NF1: variants seen among roughly 807,000 people sequenced by gnomAD.
The protein encoded by NF1 is neurofibromin.
In NF1, 122 loss-of-function variants were observed where a neutral mutation model predicts 325.7. That is an observed-to-expected ratio of 0.37 (90% CI 0.32 to 0.44). The LOEUF (loss-of-function observed/expected upper bound fraction) is 0.44, where lower values mean the gene tolerates loss of function less well. NF1 is among the 20% of genes least tolerant of loss of function. The probability of loss-of-function intolerance (pLI) is 1.00; values close to 1 mark genes in which losing one functional copy is unlikely to be tolerated. For missense variants in NF1, 2,140 were observed against 3,415.4 expected, an observed-to-expected ratio of 0.63 and a Z score of 9.31; for synonymous variants, 1,091 against 1,186.0, an observed-to-expected ratio of 0.92 and a Z score of 1.65.
chr17:31,239,816 G>T (rs963819432), intron 29 of NF1, among the ~76,000 whole-genome samples: 2 of 152,116 alleles, frequency 1.3e-5, no homozygotes, highest in Non-Finnish European at 2.9e-5. Flanking sequence ...AGGCTGGAAT[G>T]CAGTGGTGCT....
intron 36 of NF1, among the ~76,000 whole-genome samples, chr17:31,308,681 G>T (rs1187459187): frequency 6.6e-6 from 1 of 151,474 alleles, no homozygotes; most frequent in Non-Finnish European, 1.5e-5. Flanking sequence ...CCCCTTTCTG[G>T]CTGCATATCT....
chr17:31,245,755 G>A (rs117561248), intron 29 of NF1, among the ~76,000 whole-genome samples: 1 of 152,304 alleles, frequency 6.6e-6, no homozygotes, highest in East Asian at 1.9e-4. Flanking sequence ...CAACCTGGAA[G>A]CTCTTCAAAC....
At chr17:31,315,556 A>T (rs1200473184) in intron 36 of NF1, among the ~76,000 whole-genome samples, 1 of 152,222 alleles carries the variant, frequency 6.6e-6, no homozygotes, top group Non-Finnish European at 1.5e-5. Context: ...AAAATTTAAA[A>T]TACAAAAAAT....
intron 1 of NF1, chr17:31,138,599 T>A (rs994220677): frequency 6.6e-6 from 1 of 151,224 alleles, no homozygotes; most frequent in African/African-American, 2.4e-5. Context: ...TTCTTTAGTT[T>A]TTTTTTTTTT....
At chr17:31,187,262 G>A (rs566909854) in intron 8 of NF1, among the ~76,000 whole-genome samples, 42 of 152,212 alleles carry the variant, frequency 2.8e-4, no homozygotes, top group Non-Finnish European at 2.1e-4. Flanking sequence ...GCAGTGGCGC[G>A]ATCTCGGCTC....
intron 36 of NF1, among the ~76,000 whole-genome samples, chr17:31,269,230 G>T (rs928713676): frequency 3.9e-5 from 6 of 152,032 alleles, no homozygotes; most frequent in Admixed American, 3.9e-4. Context: ...CTGTCCCATT[G>T]ACTCCCTGTA....
At chr17:31,182,911 T>G in intron 8 of NF1, 1 of 602,378 alleles carries the variant, frequency 1.7e-6, no homozygotes, top group East Asian at 2.7e-5. Flanking sequence ...TTCATTCTTT[T>G]GTCTGAGAAG....
intron 1 of NF1, among the ~76,000 whole-genome samples, chr17:31,108,734 T>TTC (rs1659904186): frequency 6.6e-6 from 1 of 152,210 alleles, no homozygotes; most frequent in African/African-American, 2.4e-5. Flanking sequence ...ATACTGACTT[T>TTC]AAGAGCTGTG....
intron 29 of NF1, among the ~76,000 whole-genome samples, chr17:31,242,342 G>T (rs1184087081): frequency 7.7e-5 from 9 of 116,874 alleles, no homozygotes; most frequent in African/African-American, 2.7e-4. Flanking sequence ...TGAGATGGAG[G>T]TTCACTCTTG....
At chr17:31,271,476 G>T (rs1482863530) in intron 36 of NF1, among the ~76,000 whole-genome samples, 4 of 152,184 alleles carry the variant, frequency 2.6e-5, no homozygotes, top group Non-Finnish European at 5.9e-5. Flanking sequence ...TATAGACCGG[G>T]CATGGTGGCT....
intron 12 of NF1, among the ~76,000 whole-genome samples, chr17:31,208,532 C>G (rs1027247721): frequency 6.6e-6 from 1 of 152,054 alleles, no homozygotes; most frequent in African/African-American, 2.4e-5. Flanking sequence ...ACTAAACATA[C>G]ACAGCACTTC....
intron 12 of NF1, among the ~76,000 whole-genome samples, chr17:31,212,922 GT>G (rs2066754406): frequency 6.6e-6 from 1 of 152,038 alleles, no homozygotes; most frequent in South Asian, 2.1e-4. Context: ...TTTCAGCTAT[GT>G]TACATATTGT....
intron 2 of NF1, among the ~76,000 whole-genome samples, chr17:31,156,711 C>T (rs2065669707): frequency 6.6e-6 from 1 of 152,106 alleles, no homozygotes; most frequent in African/African-American, 2.4e-5. Flanking sequence ...CTGTTAAAAG[C>T]TCATAATTTC....
chr17:31,329,189 A>G (rs2069420500), intron 38 of NF1, among the ~76,000 whole-genome samples: 1 of 152,214 alleles, frequency 6.6e-6, no homozygotes, highest in African/African-American at 2.4e-5. Context: ...TTTAAAAAAG[A>G]AAAAAGATAT....
chr17:31,327,738 C>T lies in NF1; in HGVS notation c.5508C>T (p.Pro1836=), dbSNP rs786202557. Residue 1836 remains proline, a synonymous_variant, in exon 38 of 58, where the codon CCC becomes CCT. Transcript: ENST00000358273. ...HIRTRWELSQ[P]DSIPQHTKIR... is the part of the protein sequence containing the mutation. ...GGACCCGCTGGGAACTGTCACAGCC[C>T]GACTCTATCCCCCAACACACCAAGA... 3.7e-6 allele frequency: 6 copies of T among 1,613,882 alleles called. No individual in the cohort carries two copies. In the African/African-American group the frequency reaches 4.0e-5, roughly 11 times the overall value.
intron 36 of NF1, chr17:31,272,681 G>A (rs2067924217): frequency 6.6e-6 from 1 of 152,158 alleles, no homozygotes; most frequent in Non-Finnish European, 1.5e-5. Flanking sequence ...TAGAATTTGA[G>A]GTTGTTGATG....
intron 36 of NF1, among the ~76,000 whole-genome samples, chr17:31,310,434 G>T (rs970789499): frequency 3.9e-5 from 6 of 151,950 alleles, no homozygotes; most frequent in African/African-American, 7.2e-5. Flanking sequence ...AGTTGGGGGT[G>T]GGGGGAGATG....
chr17:31,278,789 ATTT>A (rs1398678520), intron 36 of NF1, among the ~76,000 whole-genome samples: 1 of 151,244 alleles, frequency 6.6e-6, no homozygotes, highest in Non-Finnish European at 1.5e-5. Context: ...TAATTTTCGT[ATTT>A]TTAGTAGAGA....
chr17:31,223,310 C>G, intron 15 of NF1, 134 bp from the exon 16 acceptor site: 1 of 1,044,554 alleles, frequency 9.6e-7, no homozygotes, highest in Non-Finnish European at 1.5e-6. Flanking sequence ...ATAACTGTTT[C>G]TCTAAAACCT....
Sources: gnomAD v4.1 joint callset for allele counts (sites outside exome capture counted in the v4.1 genomes callset) on GRCh38, gnomAD v4.1.1 for gene constraint, MANE v1.5 for transcripts, NCBI Gene and HGNC (gene_info 2026-07-23, HGNC 2026-07-21) for gene names.